Variants in DENND5B observed in about 807,000 individuals in gnomAD.
The protein encoded by DENND5B is DENN domain-containing protein 5B.
A neutral mutation model predicts 140.6 loss-of-function variants in DENND5B; 34 were observed. The observed-to-expected ratio is 0.24, with a 90% CI of 0.18 to 0.32. The LOEUF (loss-of-function observed/expected upper bound fraction) is 0.32. Among genes scored for constraint, DENND5B ranks in the 10% least tolerant of loss-of-function variants. The pLI, the probability that DENND5B is intolerant of heterozygous loss-of-function variation, is 1.00. For missense variants in DENND5B, 1,142 were observed against 1,560.2 expected (o/e 0.73, Z 4.52); for synonymous variants, 551 against 562.1 (o/e 0.98, Z 0.28).
rs571047898 is a variant in DENND5B, at chr12:31,573,777, T to C, written c.127+16929A>G. Among the ~76,000 whole-genome samples, 8 of 152,200 alleles carry C rather than the reference T, an allele frequency of 5.3e-5. 1 individual carries two copies. In the South Asian group the frequency reaches 1.5e-3, roughly 28 times the overall value. On this transcript the variant is annotated intron_variant, in intron 1 of 20. Coordinates refer to ENST00000389082, the MANE Select transcript of DENND5B (RefSeq NM_144973.4). ...GTGTTCTAAGTGGCAGAGAGGGTGATAGAGGTATCAAAGAGATAAAGAGAA... is the reference window on the plus strand; with the variant it reads ...GTGTTCTAAGTGGCAGAGAGGGTGACAGAGGTATCAAAGAGATAAAGAGAA...
intron 1 of DENND5B, among the ~76,000 whole-genome samples, chr12:31,570,973 A>C (rs1394781327): frequency 1.3e-5 from 2 of 152,140 alleles, no homozygotes; most frequent in Non-Finnish European, 2.9e-5. Context: ...GACAATCAAA[A>C]GATTGTCCCT....
At chr12:31,514,419 T>C (rs1172756621) in intron 1 of DENND5B, among the ~76,000 whole-genome samples, 1 of 152,216 alleles carries the variant, frequency 6.6e-6, no homozygotes, top group Admixed American at 6.5e-5. Context: ...GAACATGGGC[T>C]AGTTGAAAGA....
intron 1 of DENND5B, among the ~76,000 whole-genome samples, chr12:31,560,200 A>G (rs1414458793): frequency 6.6e-6 from 1 of 152,204 alleles, no homozygotes; most frequent in Non-Finnish European, 1.5e-5. Flanking sequence ...TCTCAAACTC[A>G]GAATGTCCAA....
At chr12:31,409,212 T>C in intron 14 of DENND5B, 51 bp downstream of exon 14, 1 of 1,490,334 alleles carries the variant, frequency 6.7e-7, no homozygotes, top group East Asian at 2.5e-5. Context: ...TAAATGCTTT[T>C]ATTGCATTGG....
chr12:31,452,767 A>T (rs2138138363), intron 4 of DENND5B, among the ~76,000 whole-genome samples: 1 of 152,178 alleles, frequency 6.6e-6, no homozygotes, highest in South Asian at 2.1e-4. Context: ...TTTAAAAATA[A>T]CCTCTTTTTC....
intron 2 of DENND5B, among the ~76,000 whole-genome samples, chr12:31,491,941 C>A (rs1326172108): frequency 1.3e-5 from 2 of 152,156 alleles, no homozygotes; most frequent in Non-Finnish European, 2.9e-5. Flanking sequence ...TGGAATTTTG[C>A]TAAAGGCAAG....
intron 11 of DENND5B, among the ~76,000 whole-genome samples, chr12:31,417,199 T>A (rs1942793705): frequency 6.7e-6 from 1 of 149,904 alleles, no homozygotes; most frequent in East Asian, 2.0e-4. Context: ...TACTAAAAAA[T>A]ACAAAAAATT....
intron 1 of DENND5B, among the ~76,000 whole-genome samples, chr12:31,561,767 A>G (rs1949483364): frequency 6.6e-6 from 1 of 152,210 alleles, no homozygotes; most frequent in Non-Finnish European, 1.5e-5. Context: ...GACAGGAGCT[A>G]GTATGGCATT....
chr12:31,579,108 C>T (rs1422731346), intron 1 of DENND5B, among the ~76,000 whole-genome samples: 1 of 152,106 alleles, frequency 6.6e-6, no homozygotes, highest in Non-Finnish European at 1.5e-5. Flanking sequence ...GTGATATACA[C>T]AAGTTTCTAA....
At chr12:31,445,151 G>A (rs1593182409) in intron 6 of DENND5B, among the ~76,000 whole-genome samples, 1 of 152,274 alleles carries the variant, frequency 6.6e-6, no homozygotes, top group African/African-American at 2.4e-5. Flanking sequence ...CAGGTGATAG[G>A]TATCTGCTTA....
chr12:31,448,744 T>G (rs1944381683), intron 5 of DENND5B, among the ~76,000 whole-genome samples: 1 of 152,138 alleles, frequency 6.6e-6, no homozygotes, highest in Non-Finnish European at 1.5e-5. Context: ...GGCATGGTGG[T>G]GGCCACCTAC....
intron 1 of DENND5B, among the ~76,000 whole-genome samples, chr12:31,531,827 A>G (rs1476542501): frequency 6.6e-6 from 1 of 152,190 alleles, no homozygotes; most frequent in Admixed American, 6.5e-5. Context: ...CTACAACAGA[A>G]AAGCTGGAAC....
chr12:31,481,488 T>G (rs1288742107), intron 2 of DENND5B, among the ~76,000 whole-genome samples: 1 of 152,080 alleles, frequency 6.6e-6, no homozygotes, highest in Non-Finnish European at 1.5e-5. Flanking sequence ...GGGAAAAACA[T>G]ATAATAGTAG....
chr12:31,501,965 A>C (rs1352361249), intron 1 of DENND5B, among the ~76,000 whole-genome samples: 1 of 152,092 alleles, frequency 6.6e-6, no homozygotes, highest in Non-Finnish European at 1.5e-5. Context: ...GCAAATATAA[A>C]AACAACTTTA....
chr12:31,546,776 A>T lies in DENND5B; in HGVS notation c.127+43930T>A, dbSNP rs150413234. 7.3e-3 allele frequency among the ~76,000 whole-genome samples: 1,105 copies of T among 152,304 alleles called. 7 individuals carry two copies. The highest frequency in any genetic ancestry group is 0.011 in the Non-Finnish European group (725 of 68,030). ...TCTAAAAGACCCAGGGAGGAGTGAA[A>T]AACATTTGTTGGAAGTGTACTTTCT... On this transcript the variant is annotated intron_variant, in intron 1 of 20. Coordinates refer to ENST00000389082, the MANE Select transcript of DENND5B (RefSeq NM_144973.4).
At chr12:31,421,296 A>C (rs1943011481) in intron 11 of DENND5B, among the ~76,000 whole-genome samples, 1 of 151,714 alleles carries the variant, frequency 6.6e-6, no homozygotes, top group Non-Finnish European at 1.5e-5. Context: ...CCATCCACCT[A>C]GGCCTCCCAA....
At chr12:31,467,145 AG>A (rs77141673) in intron 3 of DENND5B, among the ~76,000 whole-genome samples, 85,177 of 150,160 alleles carry the variant, frequency 0.57, 24,657 homozygotes, top group East Asian at 0.85. Flanking sequence ...CAGAGTACTA[AG>A]GAAAAAAAAA....
chr12:31,460,056 T>A (rs1039249154), intron 4 of DENND5B, 138 bp downstream of exon 4: 14 of 799,416 alleles, frequency 1.8e-5, no homozygotes, highest in Non-Finnish European at 2.7e-5. Context: ...TAGCTCAGGC[T>A]CTCCCCTAGC....
At chr12:31,580,014 A>T (rs544325046) in intron 1 of DENND5B, among the ~76,000 whole-genome samples, 1 of 99,712 alleles carries the variant, frequency 1.0e-5, no homozygotes, top group South Asian at 3.4e-4. Flanking sequence ...TGAAACAAAG[A>T]GAACTGTACT....
Sources: gnomAD v4.1 joint callset for allele counts (sites outside exome capture counted in the v4.1 genomes callset) on GRCh38, gnomAD v4.1.1 for gene constraint, MANE v1.5 for transcripts, NCBI Gene and HGNC (gene_info 2026-07-23, HGNC 2026-07-21) for gene names.